Variants in MPP7 observed in about 807,000 individuals in gnomAD.
The protein encoded by MPP7 is MAGUK p55 scaffold protein 7, also known as MAGUK p55 subfamily member 7.
MPP7 carries 60 observed loss-of-function variants against 76.5 expected under a neutral mutation model. The observed-to-expected ratio is 0.78, with a 90% CI of 0.64 to 0.97. The LOEUF is 0.97. Among genes scored for constraint, MPP7 ranks in the 50% least tolerant of loss-of-function variants. The probability of loss-of-function intolerance (pLI) is 0.00; values close to 1 mark genes in which losing one functional copy is unlikely to be tolerated. For missense variants in MPP7, 641 were observed against 694.0 expected (o/e 0.92, Z 0.86); for synonymous variants, 237 against 244.5 (o/e 0.97, Z 0.29).
intron 2 of MPP7, among the ~76,000 whole-genome samples, chr10:28,325,067 A>G (rs1463650671): frequency 3.3e-5 from 5 of 152,084 alleles, no homozygotes; most frequent in Non-Finnish European, 2.9e-5. Flanking sequence ...TAATTTTAAT[A>G]TATTTTGTAG....
Position 28,069,820 on chromosome 10 carries a change from G to T in MPP7, c.1156C>A (p.Arg386=), listed in dbSNP as rs201627414. 1 of 1,613,806 alleles carries T rather than the reference G, an allele frequency of 6.2e-7. No individual in the cohort carries two copies. Among genetic ancestry groups the T allele is most frequent in the African/African-American group, 1.3e-5 (1 of 74,900 alleles). Residue 386 remains arginine, a synonymous_variant, in exon 13 of 17, where the codon CGA becomes AGA. Coordinates refer to ENST00000683449, the MANE Select transcript of MPP7 (RefSeq NM_001318170.2). ...TGGGTGTCACTGATCAGCAGCTTTC[G>T]TTTCAGTTCATTCAGCCCTACTCCC... The part of the protein sequence containing the change: ...PVGVGLNELK[R]KLLISDTQHY...
chr10:28,259,827 C>T (rs1303296885), intron 1 of MPP7, among the ~76,000 whole-genome samples: 1 of 151,814 alleles, frequency 6.6e-6, no homozygotes, highest in African/African-American at 2.4e-5. Flanking sequence ...CAAAAAAATA[C>T]AAAAAATTAG....
At chr10:28,202,723 T>C (rs899704727) in intron 2 of MPP7, among the ~76,000 whole-genome samples, 2 of 151,928 alleles carry the variant, frequency 1.3e-5, no homozygotes, top group African/African-American at 4.8e-5. Flanking sequence ...TAGTTCCTAA[T>C]AACATATAGT....
chr10:28,166,899 T>C (rs899853084), intron 3 of MPP7, among the ~76,000 whole-genome samples: 1 of 152,156 alleles, frequency 6.6e-6, no homozygotes, highest in African/African-American at 2.4e-5. Context: ...CCATATTCTA[T>C]AGATCATTTA....
intron 3 of MPP7, among the ~76,000 whole-genome samples, chr10:28,187,047 A>C (rs1385594132): frequency 6.6e-6 from 1 of 152,230 alleles, no homozygotes; most frequent in Non-Finnish European, 1.5e-5. Context: ...TCATTCTGGT[A>C]GAGCATATAG....
chr10:28,334,926 T>A (rs577067303), upstream of MPP7, among the ~76,000 whole-genome samples: 18 of 152,328 alleles, frequency 1.2e-4, no homozygotes, highest in South Asian at 3.5e-3. Context: ...AGCAACACGT[T>A]TTTGAATCTC....
At chr10:28,235,590 T>C (rs1839046741) in intron 2 of MPP7, among the ~76,000 whole-genome samples, 2 of 152,182 alleles carry the variant, frequency 1.3e-5, no homozygotes, top group South Asian at 4.1e-4. Context: ...TAAAATCAGG[T>C]GAGATTAGAC....
In MPP7 at chr10:28,141,472, C is replaced by T. The variant is rs549976032; in HGVS notation, c.315+6011G>A. On this transcript the variant is annotated intron_variant, in intron 5 of 16. Transcript: ENST00000683449. Reference sequence around the variant, plus strand: ...ATAACATTGAAAATTAAATGAGATACTTCGGTAAGGTGGTATAAAATAAGT... The same window carrying T: ...ATAACATTGAAAATTAAATGAGATATTTCGGTAAGGTGGTATAAAATAAGT... Among the ~76,000 whole-genome samples the T allele has an allele frequency of 2.0e-5, 3 of 151,996 alleles. No homozygotes were observed. In the South Asian group the frequency reaches 6.2e-4, roughly 32 times the overall value.
intron 2 of MPP7, among the ~76,000 whole-genome samples, chr10:28,323,475 A>C (rs2133186054): frequency 6.6e-6 from 1 of 151,704 alleles, no homozygotes; most frequent in Admixed American, 6.6e-5. Context: ...AAAGAAAGAA[A>C]GAAATCCCAG....
At chr10:28,201,445 A>C (rs1484645921) in intron 3 of MPP7, among the ~76,000 whole-genome samples, 1 of 152,270 alleles carries the variant, frequency 6.6e-6, no homozygotes, top group African/African-American at 2.4e-5. Flanking sequence ...TTTCAGCTTG[A>C]GTTAGATGAG....
chr10:28,090,605 G>A (rs1018143824), intron 11 of MPP7, among the ~76,000 whole-genome samples: 4 of 152,102 alleles, frequency 2.6e-5, no homozygotes, highest in African/African-American at 7.2e-5. Context: ...ACCTCACAAC[G>A]TACCCATGGC....
intron 5 of MPP7, among the ~76,000 whole-genome samples, chr10:28,132,200 G>T (rs985161474): frequency 6.6e-6 from 1 of 151,936 alleles, no homozygotes; most frequent in African/African-American, 2.4e-5. Context: ...CACTTTAATT[G>T]TGTGTGTAAT....
chr10:28,329,577 T>C (rs1834451501), intron 2 of MPP7, among the ~76,000 whole-genome samples: 1 of 137,650 alleles, frequency 7.3e-6, no homozygotes, highest in East Asian at 2.1e-4. Flanking sequence ...TGCAGAGAGC[T>C]GAGAGATCGC....
chr10:28,245,777 T>A (rs543777603), intron 1 of MPP7, among the ~76,000 whole-genome samples: 1 of 150,038 alleles, frequency 6.7e-6, no homozygotes, highest in African/African-American at 2.5e-5. Flanking sequence ...AACAACAGAA[T>A]CAGAGAAACA....
chr10:28,327,482 T>C (rs1275509741), intron 2 of MPP7, among the ~76,000 whole-genome samples: 2 of 152,174 alleles, frequency 1.3e-5, no homozygotes, highest in African/African-American at 4.8e-5. Flanking sequence ...CGTGGACTAA[T>C]AGGAAGAGCT....
At chr10:28,237,315 T>C (rs551190967) in intron 2 of MPP7, among the ~76,000 whole-genome samples, 84 of 152,194 alleles carry the variant, frequency 5.5e-4, no homozygotes, top group African/African-American at 1.6e-3. Flanking sequence ...TAGAACACAA[T>C]GTGGGACTAT....
At chr10:28,229,531 A>C (rs1255122609) in intron 2 of MPP7, among the ~76,000 whole-genome samples, 1 of 152,172 alleles carries the variant, frequency 6.6e-6, no homozygotes, top group Non-Finnish European at 1.5e-5. Flanking sequence ...CTGAGTTGTG[A>C]GTTGGAGGTA....
chr10:28,095,484 G>A (rs1422631301), intron 11 of MPP7, among the ~76,000 whole-genome samples: 1 of 152,056 alleles, frequency 6.6e-6, no homozygotes, highest in African/African-American at 2.4e-5. Flanking sequence ...GCAGTACAGA[G>A]GCTGTAATTT....
intron 3 of MPP7, among the ~76,000 whole-genome samples, chr10:28,197,733 G>A (rs1396978690): frequency 6.6e-6 from 1 of 152,140 alleles, no homozygotes; most frequent in Non-Finnish European, 1.5e-5. Context: ...GGTCCATATA[G>A]TAACTGGCAT....
Sources: allele counts gnomAD v4.1 joint callset (sites outside exome capture counted in the v4.1 genomes callset), GRCh38; gene constraint gnomAD v4.1.1; transcripts MANE v1.5; gene names NCBI Gene and HGNC (gene_info 2026-07-23, HGNC 2026-07-21).